PDE10A: variants seen among roughly 807,000 people sequenced by gnomAD.
PDE10A encodes the protein cAMP and cAMP-inhibited cGMP 3',5'-cyclic phosphodiesterase 10A.
In PDE10A, 39 loss-of-function variants were observed where a neutral mutation model predicts 97.7. That is an observed-to-expected ratio of 0.40 (90% CI 0.31 to 0.52). The LOEUF (loss-of-function observed/expected upper bound fraction) is 0.52, where lower values mean the gene tolerates loss of function less well. Among genes scored for constraint, PDE10A ranks in the 20% least tolerant of loss-of-function variants. The pLI, the probability that PDE10A is intolerant of heterozygous loss-of-function variation, is 0.56. For synonymous variants in PDE10A, 371 were observed against 376.8 expected (o/e 0.98, Z 0.18); for missense variants, 731 against 1,047.8 (o/e 0.70, Z 4.17).
chr6:165,929,807 A>G (rs2128490426), intron 1 of PDE10A, among the ~76,000 whole-genome samples: 1 of 152,322 alleles, frequency 6.6e-6, no homozygotes, highest in East Asian at 1.9e-4. Flanking sequence ...AGCTGCTGTC[A>G]CCCAGGTGGG....
At chr6:165,830,971 C>A (rs377607898) in intron 1 of PDE10A, among the ~76,000 whole-genome samples, 5 of 152,276 alleles carry the variant, frequency 3.3e-5, no homozygotes, top group East Asian at 3.9e-4. Context: ...TCTGAAAAAA[C>A]CCCCAGGTGC....
intron 6 of PDE10A, among the ~76,000 whole-genome samples, chr6:165,434,031 A>C (rs1204308204): frequency 6.7e-6 from 1 of 148,638 alleles, no homozygotes; most frequent in East Asian, 2.0e-4. Flanking sequence ...AAAAAAAAAA[A>C]AAAAAAAGAA....
intron 1 of PDE10A, among the ~76,000 whole-genome samples, chr6:165,647,076 T>C (rs1789438026): frequency 6.6e-6 from 1 of 152,170 alleles, no homozygotes; most frequent in Admixed American, 6.5e-5. Context: ...TTCTCACCTT[T>C]CTTCAAGTTA....
chr6:165,675,200 A>G (rs1790760926), intron 1 of PDE10A, among the ~76,000 whole-genome samples: 2 of 152,184 alleles, frequency 1.3e-5, no homozygotes, highest in South Asian at 4.1e-4. Context: ...AATCTTATCT[A>G]CTTTTTCCCA....
intron 1 of PDE10A, among the ~76,000 whole-genome samples, chr6:165,823,482 TTATATATA>T (rs748139541): frequency 0.013 from 480 of 37,452 alleles, 12 homozygotes; most frequent in South Asian, 0.035. Flanking sequence ...ATAGTTAACT[TTATATATA>T]TATATATATA....
chr6:165,747,042 T>C (rs537326949), intron 1 of PDE10A, among the ~76,000 whole-genome samples: 25 of 152,312 alleles, frequency 1.6e-4, no homozygotes, highest in African/African-American at 5.8e-4. Context: ...TTTTATATTC[T>C]TTTTTTCTGA....
intron 1 of PDE10A, among the ~76,000 whole-genome samples, chr6:165,669,328 A>G (rs900941009): frequency 6.6e-6 from 1 of 152,146 alleles, no homozygotes; most frequent in African/African-American, 2.4e-5. Context: ...TATCTTCCAT[A>G]ATCCCGTGGC....
chr6:165,483,227 G>A (rs1779706508), intron 2 of PDE10A, among the ~76,000 whole-genome samples: 1 of 152,116 alleles, frequency 6.6e-6, no homozygotes, highest in South Asian at 2.1e-4. Context: ...GTGTCTTCTT[G>A]AGCAATCAAA....
intron 1 of PDE10A, among the ~76,000 whole-genome samples, chr6:165,935,732 T>G (rs928149231): frequency 5.3e-5 from 8 of 152,332 alleles, no homozygotes; most frequent in African/African-American, 1.9e-4. Flanking sequence ...ATGAATAGAT[T>G]AATGCCACTA....
At chr6:165,703,833 C>T (rs539727418) in intron 1 of PDE10A, among the ~76,000 whole-genome samples, 3 of 152,156 alleles carry the variant, frequency 2.0e-5, no homozygotes, top group African/African-American at 7.2e-5. Flanking sequence ...GGCCGACAGC[C>T]GCCTCCCCTT....
chr6:165,358,859 A>G (rs530748737), intron 18 of PDE10A, among the ~76,000 whole-genome samples: 1 of 151,718 alleles, frequency 6.6e-6, no homozygotes, highest in Admixed American at 6.5e-5. Flanking sequence ...TGCATATTCT[A>G]ATCTCTAGGG....
chr6:165,754,433 T>C (rs1793072075), intron 1 of PDE10A: 1 of 152,218 alleles, frequency 6.6e-6, no homozygotes, highest in African/African-American at 2.4e-5. Flanking sequence ...TTACTAACAC[T>C]ATAGATACTC....
intron 1 of PDE10A, among the ~76,000 whole-genome samples, chr6:165,559,879 T>A (rs1256641857): frequency 6.6e-6 from 1 of 152,212 alleles, no homozygotes; most frequent in African/African-American, 2.4e-5. Flanking sequence ...GCCGCCGCCA[T>A]GTAAAAAGTG....
intron 1 of PDE10A, among the ~76,000 whole-genome samples, chr6:165,561,585 T>C (rs889677737): frequency 3.3e-5 from 5 of 152,222 alleles, no homozygotes; most frequent in South Asian, 2.1e-4. Context: ...ACTACATTTT[T>C]TTCTGGCCTA....
chr6:165,371,940 T>C (rs1013579549), intron 18 of PDE10A, among the ~76,000 whole-genome samples: 2 of 151,774 alleles, frequency 1.3e-5, no homozygotes, highest in Non-Finnish European at 2.9e-5. Flanking sequence ...AATCCATAAA[T>C]GTAATCCAGC....
At chr6:165,876,864 A>G (rs964041330) in intron 1 of PDE10A, among the ~76,000 whole-genome samples, 4 of 152,238 alleles carry the variant, frequency 2.6e-5, no homozygotes, top group Admixed American at 6.5e-5. Context: ...ATCCAGCTGA[A>G]GTCCTGAATC....
intron 1 of PDE10A, among the ~76,000 whole-genome samples, chr6:165,750,324 A>T (rs964833345): frequency 6.6e-6 from 1 of 152,196 alleles, no homozygotes; most frequent in African/African-American, 2.4e-5. Flanking sequence ...GACAACTGAA[A>T]CGTGGAAAAG....
chr6:165,589,057 C>A (rs1786092276), intron 1 of PDE10A, among the ~76,000 whole-genome samples: 2 of 152,154 alleles, frequency 1.3e-5, no homozygotes, highest in African/African-American at 4.8e-5. Flanking sequence ...ATATTTAACA[C>A]AGATTAATAT....
At chr6:165,958,606 AAAGG>A (rs529963460) in intron 1 of PDE10A, among the ~76,000 whole-genome samples, 41 of 148,324 alleles carry the variant, frequency 2.8e-4, no homozygotes, top group African/African-American at 8.0e-4. Flanking sequence ...AGAAAGAGAG[AAAGG>A]AAGGAAGGAA....
Sources: allele counts gnomAD v4.1 joint callset (sites outside exome capture counted in the v4.1 genomes callset), GRCh38; gene constraint gnomAD v4.1.1; transcripts MANE v1.5; gene names NCBI Gene and HGNC (gene_info 2026-07-23, HGNC 2026-07-21).